Variants in REV3L observed in about 807,000 individuals in gnomAD.
The protein encoded by REV3L is DNA polymerase zeta catalytic subunit.
Under a neutral mutation model 299.4 loss-of-function variants are expected in REV3L, and 69 were observed. That is an observed-to-expected ratio of 0.23 (90% CI 0.19 to 0.28). REV3L has a LOEUF of 0.28. Ranked by LOEUF, REV3L falls within the 10% of genes least tolerant of loss-of-function variation. The pLI, the probability that REV3L is intolerant of heterozygous loss-of-function variation, is 1.00. For synonymous variants in REV3L, 1,238 were observed against 1,271.4 expected (o/e 0.97, Z 0.56); for missense variants, 3,128 against 3,693.8 (o/e 0.85, Z 3.97).
At chr6:111,437,636 T>C (rs934365305) in intron 1 of REV3L, among the ~76,000 whole-genome samples, 1 of 151,886 alleles carries the variant, frequency 6.6e-6, no homozygotes, top group African/African-American at 2.4e-5. Flanking sequence ...ATGTCCAAAA[T>C]AGGCAAATTT....
intron 21 of REV3L, among the ~76,000 whole-genome samples, chr6:111,338,217 A>C (rs1776100649): frequency 6.6e-6 from 1 of 150,996 alleles, no homozygotes; most frequent in Non-Finnish European, 1.5e-5. Flanking sequence ...TCAGGAGAAG[A>C]GTTACCAATT....
chr6:111,380,371 T>C lies in REV3L; in HGVS notation c.1217-152A>G, dbSNP rs1020181683. The C allele has an allele frequency of 7.2e-5, 43 of 601,176 alleles. 1 individual carries two copies. The highest frequency in any genetic ancestry group is 1.2e-4 in the Non-Finnish European group (42 of 344,882). The allele number at this position is 601,176 out of a possible 1,614,324, so 37.2% of individuals were successfully genotyped here. A position where few individuals can be genotyped will look rare whatever the true frequency, so the allele number is the denominator to read the frequency against. ...GCCTCCTGGGTTCATGCCATTCTCC[T>C]GCCTCAGCCTCCCGAGTAGCTGGGA... On this transcript the variant is annotated intron_variant, in intron 10 of 31. Transcript: ENST00000368802.
chr6:111,429,765 C>T (rs911130187), intron 1 of REV3L, among the ~76,000 whole-genome samples: 8 of 152,104 alleles, frequency 5.3e-5, no homozygotes, highest in African/African-American at 1.9e-4. Context: ...CCGGAAGCAG[C>T]GCCGCACTGC....
chr6:111,482,018 T>A (rs1487734443), intron 1 of REV3L, among the ~76,000 whole-genome samples: 1 of 152,162 alleles, frequency 6.6e-6, no homozygotes, highest in Non-Finnish European at 1.5e-5. Context: ...CCATTAAGTG[T>A]GATGTTTTAG....
At chr6:111,369,885 G>A (rs1292882871) in intron 13 of REV3L, among the ~76,000 whole-genome samples, 3 of 150,272 alleles carry the variant, frequency 2.0e-5, no homozygotes, top group Non-Finnish European at 3.0e-5. Flanking sequence ...TCACCAGGCT[G>A]GAGTGCAGTG....
chr6:111,392,528 ATT>A (rs945124757), intron 5 of REV3L, among the ~76,000 whole-genome samples: 2 of 152,106 alleles, frequency 1.3e-5, no homozygotes, highest in African/African-American at 4.8e-5. Context: ...AAATATTTAG[ATT>A]TTTGTTTTAA....
upstream of REV3L, chr6:111,483,457 C>T: frequency 2.1e-6 from 1 of 479,954 alleles, no homozygotes; most frequent in Non-Finnish European, 3.9e-6. Context: ...GCACGGTCAC[C>T]TGGGTGAGGG....
intron 5 of REV3L, 43 bp downstream of exon 5, chr6:111,392,833 G>T: frequency 8.2e-7 from 1 of 1,218,588 alleles, no homozygotes; most frequent in South Asian, 1.2e-5. Flanking sequence ...ATCACAACTA[G>T]GATATATGTA....
At chr6:111,325,225 GAAGA>G (rs1353403839) in intron 25 of REV3L, among the ~76,000 whole-genome samples, 4 of 152,118 alleles carry the variant, frequency 2.6e-5, no homozygotes, top group African/African-American at 9.7e-5. Flanking sequence ...ACATAAAAAG[GAAGA>G]AATAAAGTTC....
chr6:111,452,117 CTT>C (rs1789621055), intron 1 of REV3L, among the ~76,000 whole-genome samples: 5 of 152,054 alleles, frequency 3.3e-5, no homozygotes, highest in African/African-American at 1.2e-4. Context: ...TGTTCAGATT[CTT>C]AGACCTTAGG....
rs373338572 is a variant in REV3L at position 111,309,832 on chromosome 6, T to C, written c.9042+21A>G. 8.7e-6 allele frequency: 14 copies of C among 1,609,516 alleles called. No homozygotes were observed. The Admixed American group carries it at 2.0e-4, about 23-fold the overall frequency. On this transcript the variant is annotated intron_variant, in intron 30 of 31. Coordinates refer to ENST00000368802, the MANE Select transcript of REV3L (RefSeq NM_001372078.1). The stretch of plus-strand genomic sequence containing the variant: ...GAAATCTCTCCATAGTTAGAGCACA[T>C]GTACTATTTGGTAAGCTTACCCTTG...
At chr6:111,314,968 A>C (rs1773366680) in intron 27 of REV3L, among the ~76,000 whole-genome samples, 1 of 150,528 alleles carries the variant, frequency 6.6e-6, no homozygotes, top group South Asian at 2.1e-4. Flanking sequence ...CTCCTACTTC[A>C]GCCTCTGGAA....
chr6:111,402,665 A>G (rs879676895), intron 4 of REV3L, among the ~76,000 whole-genome samples: 3 of 152,206 alleles, frequency 2.0e-5, no homozygotes, highest in Non-Finnish European at 4.4e-5. Flanking sequence ...TTTTCAGAGC[A>G]TAGTTTGGGT....
chr6:111,444,525 A>G (rs1788620227), intron 1 of REV3L, among the ~76,000 whole-genome samples: 1 of 152,228 alleles, frequency 6.6e-6, no homozygotes, highest in Non-Finnish European at 1.5e-5. Context: ...ACAAATCAGT[A>G]AGAAAGATAG....
intron 1 of REV3L, among the ~76,000 whole-genome samples, chr6:111,471,584 A>C (rs1349035450): frequency 6.6e-6 from 1 of 152,226 alleles, no homozygotes; most frequent in Non-Finnish European, 1.5e-5. Context: ...TGTATGCCAG[A>C]CATTAGCTGG....
intron 1 of REV3L, among the ~76,000 whole-genome samples, chr6:111,469,711 G>T (rs1286354501): frequency 6.6e-6 from 1 of 152,268 alleles, no homozygotes; most frequent in Admixed American, 6.5e-5. Context: ...CAACCAGTAC[G>T]GATTATCCAG....
At chr6:111,452,919 G>A (rs890274931) in intron 1 of REV3L, among the ~76,000 whole-genome samples, 2 of 152,112 alleles carry the variant, frequency 1.3e-5, no homozygotes, top group Non-Finnish European at 2.9e-5. Context: ...AAGTAAAAAT[G>A]TGGAAATCAC....
intron 16 of REV3L, chr6:111,360,608 T>G (rs955608832): frequency 6.6e-6 from 1 of 151,762 alleles, no homozygotes; most frequent in African/African-American, 2.4e-5. Flanking sequence ...TCCTACTAGC[T>G]GGGACTATAG....
rs762826210 is a variant in REV3L, at chr6:111,358,896, G to A, written c.6998C>T (p.Pro2333Leu). 6.2e-6 allele frequency: 10 copies of A among 1,613,990 alleles called. No homozygotes were observed. In the East Asian group the frequency reaches 2.2e-4, roughly 36 times the overall value. Residue 2333 changes from proline to leucine, a missense_variant, in exon 17 of 32, where the codon CCA (proline) becomes CTA (leucine). This residue lies in a region of REV3L where 82 missense variants were observed against 142.7 expected (regional missense o/e 0.57). Transcript: ENST00000368802. Reference sequence around the variant, plus strand: ...TTCTGTTTTTTCTGTATCTGGCAGTGGAGTGTCAGATGAGATGCAGTAGAA... The same window carrying A: ...TTCTGTTTTTTCTGTATCTGGCAGTAGAGTGTCAGATGAGATGCAGTAGAA... ...ALFYCISSDT[P>L]LPDTEKTELT...
Sources: gnomAD v4.1 joint callset for allele counts (sites outside exome capture counted in the v4.1 genomes callset) on GRCh38, gnomAD v4.1.1 for gene constraint, gnomAD v4.1.1 regional missense constraint, MANE v1.5 for transcripts, NCBI Gene and HGNC (gene_info 2026-07-23, HGNC 2026-07-21) for gene names.